The following TENT5C variants were observed in gnomAD, a reference collection of about 807,000 sequenced individuals.
TENT5C encodes terminal nucleotidyltransferase 5C, also known as family with sequence similarity 46 member C.
Under a neutral mutation model 22.2 loss-of-function variants are expected in TENT5C, and 5 were observed. The ratio of observed to expected loss-of-function variants is 0.22; its 90% confidence interval spans 0.12 to 0.47. The LOEUF (loss-of-function observed/expected upper bound fraction) is 0.47. TENT5C is among the 20% of genes least tolerant of loss of function. The pLI, the probability that TENT5C is intolerant of heterozygous loss-of-function variation, is 0.99. For missense variants in TENT5C, 364 were observed against 500.9 expected (o/e 0.73, Z 2.61); for synonymous variants, 199 against 195.4 (o/e 1.02, Z -0.15).
At chr1:117,615,285 G>GC (rs1653757026) in intron 1 of TENT5C, among the ~76,000 whole-genome samples, 1 of 151,992 alleles carries the variant, frequency 6.6e-6, no homozygotes, top group Non-Finnish European at 1.5e-5. Context: ...CAAGCTCCCT[G>GC]CCCCACCAAA....
rs1021502767 is a variant in TENT5C, at chr1:117,617,689, C to T, written c.-27-5153C>T. On this transcript the variant is annotated intron_variant, in intron 1 of 1. Coordinates refer to ENST00000369448, the MANE Select transcript of TENT5C (RefSeq NM_017709.4). ...CTGCTAACTAGAATTTGCCTTTAAC[C>T]AGGGCCTTTCATGAATTGGGAATGT... Among the ~76,000 whole-genome samples, 66 of 152,184 alleles carry T rather than the reference C, an allele frequency of 4.3e-4. 1 individual carries two copies. Among genetic ancestry groups the T allele is most frequent in the African/African-American group, 1.5e-3 (61 of 41,512 alleles).
chr1:117,622,945 A>G lies in TENT5C; in HGVS notation c.77A>G (p.His26Arg). The G allele has an allele frequency of 1.2e-6, 2 of 1,614,252 alleles. No individual in the cohort carries two copies. Among genetic ancestry groups the G allele is most frequent in the East Asian group, 2.2e-5 (1 of 44,890 alleles). The change falls in exon 2 of 2, where the codon CAT becomes CGT. Residue 26 changes from histidine to arginine, a missense_variant. Coordinates refer to ENST00000369448, the MANE Select transcript of TENT5C (RefSeq NM_017709.4). ...AACTGGGATCAGGTTAGCCGGCTGC[A>G]TGAGGTCCTCACTGAAGTTGTACCT... ...VLNWDQVSRL[H>R]EVLTEVVPIH... is the part of the protein sequence containing the mutation.
chr1:117,619,892 TGCTG>T (rs1653858316), intron 1 of TENT5C, among the ~76,000 whole-genome samples: 1 of 152,222 alleles, frequency 6.6e-6, no homozygotes, highest in Admixed American at 6.5e-5. Flanking sequence ...GCCAATAACA[TGCTG>T]TTTCAATTAT....
In TENT5C at chr1:117,623,076, C is replaced by T. The variant is rs1432369724; in HGVS notation, c.208C>T (p.Arg70Trp). ...EEAGIKVHDV[R>W]LNGSAAGHVL... ...GGCAGGCATCAAAGTGCACGACGTC[C>T]GGCTGAATGGCTCCGCAGCTGGCCA... is the stretch of plus-strand genomic sequence containing the variant. Residue 70 changes from arginine (R) to tryptophan (W), a missense_variant, in exon 2 of 2, where the codon CGG becomes TGG. Arg to Trp is a moderately radical substitution (Grantham distance 101, BLOSUM62 -3). Coordinates refer to ENST00000369448, the MANE Select transcript of TENT5C (RefSeq NM_017709.4). 5 of 1,614,044 alleles carry T rather than the reference C, an allele frequency of 3.1e-6. No homozygotes were observed. The highest frequency in any genetic ancestry group is 4.2e-6 in the Non-Finnish European group (5 of 1,180,036).
chr1:117,623,585 C>A lies in TENT5C; in HGVS notation c.717C>A (p.Ile239=), dbSNP rs1276762461. ...TCGCCACCAAGAACCCAGAAGAAAT[C>A]AGAGGCGGGGGACTTCTCAAGTACA... ...RLIATKNPEE[I]RGGGLLKYSN... is the part of the protein sequence containing the mutation. The change falls in exon 2 of 2, where the codon ATC becomes ATA. Residue 239 remains isoleucine (I), a synonymous_variant. Transcript: ENST00000369448. 1 of 1,613,944 alleles carries A rather than the reference C, an allele frequency of 6.2e-7. No individual in the cohort carries two copies. Among genetic ancestry groups the A allele is most frequent in the South Asian group, 1.1e-5 (1 of 91,056 alleles).
At chr1:117,619,962 T>C (rs1653859750) in intron 1 of TENT5C, among the ~76,000 whole-genome samples, 1 of 152,338 alleles carries the variant, frequency 6.6e-6, no homozygotes, top group East Asian at 1.9e-4. Flanking sequence ...TTTTTCACAA[T>C]GTTTTCTGGC....
chr1:117,616,231 G>C (rs1025444481), intron 1 of TENT5C, among the ~76,000 whole-genome samples: 3 of 152,180 alleles, frequency 2.0e-5, no homozygotes, highest in African/African-American at 7.2e-5. Context: ...GATTAGATGG[G>C]AATTGAAGTG....
chr1:117,607,003 C>T (rs1383747825), intron 1 of TENT5C, among the ~76,000 whole-genome samples: 1 of 152,204 alleles, frequency 6.6e-6, no homozygotes, highest in Non-Finnish European at 1.5e-5. Flanking sequence ...GGTGCGGCTG[C>T]CCCGGGAGGT....
intron 1 of TENT5C, among the ~76,000 whole-genome samples, chr1:117,611,484 G>A (rs1168150401): frequency 6.6e-6 from 1 of 152,160 alleles, no homozygotes; most frequent in African/African-American, 2.4e-5. Flanking sequence ...TTAGATCAGT[G>A]CTTTCCAGTA....
intron 1 of TENT5C, among the ~76,000 whole-genome samples, chr1:117,610,087 C>T (rs781371213): frequency 6.6e-6 from 1 of 152,158 alleles, no homozygotes; most frequent in African/African-American, 2.4e-5. Context: ...TCTGTTCACT[C>T]AGTTGCTAGT....
intron 1 of TENT5C, among the ~76,000 whole-genome samples, chr1:117,614,316 G>T (rs996024461): frequency 6.6e-6 from 1 of 152,176 alleles, no homozygotes; most frequent in South Asian, 2.1e-4. Flanking sequence ...GTTTCTGCCC[G>T]GTTATCTGCT....
At chr1:117,616,820 A>G (rs537480019) in intron 1 of TENT5C, among the ~76,000 whole-genome samples, 1 of 152,352 alleles carries the variant, frequency 6.6e-6, no homozygotes, top group East Asian at 1.9e-4. Flanking sequence ...GAAAGCCCTC[A>G]ATAGCTGAGA....
At chr1:117,608,630 A>AG (rs1653598124) in intron 1 of TENT5C, among the ~76,000 whole-genome samples, 1 of 152,166 alleles carries the variant, frequency 6.6e-6, no homozygotes, top group Non-Finnish European at 1.5e-5. Flanking sequence ...CATTTAAAAA[A>AG]CTTTTTTTGT....
In TENT5C at chr1:117,624,311, A is replaced by C. The variant is rs1653967162; in HGVS notation, c.*267A>C. 2.2e-6 allele frequency: 1 copy of C among 463,208 alleles called. No individual in the cohort carries two copies. Among genetic ancestry groups the C allele is most frequent in the South Asian group, 4.8e-5 (1 of 21,010 alleles). The allele number at this position is 463,208 out of a possible 1,614,324, so 28.7% of individuals were successfully genotyped here. A position where few individuals can be genotyped will look rare whatever the true frequency, so the allele number is the denominator to read the frequency against. ...TCCACATCTTTCCAAGATAGACACTAACATGTCATGTCCCAAACATTAGCA... is the reference window on the plus strand; with the variant it reads ...TCCACATCTTTCCAAGATAGACACTCACATGTCATGTCCCAAACATTAGCA... On this transcript the variant is annotated 3_prime_UTR_variant, in exon 2 of 2. Coordinates refer to ENST00000369448, the MANE Select transcript of TENT5C (RefSeq NM_017709.4).
In TENT5C at chr1:117,623,366, G is replaced by A. The variant is rs753188054; in HGVS notation, c.498G>A (p.Glu166=). The A allele has an allele frequency of 3.7e-6, 6 of 1,614,182 alleles. No individual in the cohort carries two copies. The highest frequency in any genetic ancestry group is 5.1e-6 in the Non-Finnish European group (6 of 1,180,038). Residue 166 remains glutamate, a synonymous_variant, in exon 2 of 2, where the codon GAG becomes GAA. Transcript: ENST00000369448. ...CCAACAAGAACGGGAAGAACGTGGA[G>A]CTGAAGTTTGTCGACTCCATTCGGC... ...SLSNKNGKNV[E]LKFVDSIRRQ...
rs1172981926 is a variant in TENT5C, at chr1:117,624,723, G to C, written c.*679G>C. 2 of 246,966 alleles carry C rather than the reference G, an allele frequency of 8.1e-6. No individual in the cohort carries two copies. The highest frequency in any genetic ancestry group is 4.4e-5 in the African/African-American group (2 of 45,114). 15.3% of individuals were successfully genotyped at this position (246,966 alleles called of 1,614,324 possible). Reference sequence around the variant, plus strand: ...CTGAGGAATTGCGAGATATTGCTGAGGGGAAAAAAAAATGACCTTTTCTTG... The same window carrying C: ...CTGAGGAATTGCGAGATATTGCTGACGGGAAAAAAAAATGACCTTTTCTTG... On this transcript the variant is annotated 3_prime_UTR_variant, in exon 2 of 2. Transcript: ENST00000369448.
intron 1 of TENT5C, among the ~76,000 whole-genome samples, chr1:117,608,548 A>G (rs1456302937): frequency 6.6e-6 from 1 of 152,294 alleles, no homozygotes; most frequent in Non-Finnish European, 1.5e-5. Context: ...AAATAACTTA[A>G]AAGTGGGCTG....
rs371924885 is a variant in TENT5C at position 117,625,984 on chromosome 1, G to A, written c.*1940G>A. 66 of 247,306 alleles carry A rather than the reference G, an allele frequency of 2.7e-4. No individual in the cohort carries two copies. Among genetic ancestry groups the A allele is most frequent in the African/African-American group, 1.4e-3 (63 of 45,396 alleles). 15.3% of individuals were successfully genotyped at this position (247,306 alleles called of 1,614,324 possible). On this transcript the variant is annotated 3_prime_UTR_variant, in exon 2 of 2. Coordinates refer to ENST00000369448, the MANE Select transcript of TENT5C (RefSeq NM_017709.4). ...GACCCAGTGTGCTTCAGTGTTAAGA[G>A]TGGGGCAATGAAGAGTGAACCCCAA...
chr1:117,611,842 G>C (rs1206676340), intron 1 of TENT5C, among the ~76,000 whole-genome samples: 1 of 151,972 alleles, frequency 6.6e-6, no homozygotes, highest in Non-Finnish European at 1.5e-5. Flanking sequence ...GTGAGACCCT[G>C]TATCAAAAAA....
Sources: gnomAD v4.1 joint callset for allele counts (sites outside exome capture counted in the v4.1 genomes callset) on GRCh38, gnomAD v4.1.1 for gene constraint, MANE v1.5 for transcripts, NCBI Gene and HGNC (gene_info 2026-07-23, HGNC 2026-07-21) for gene names.